Variants in ACER1 observed in about 807,000 individuals in gnomAD.
ACER1 encodes CTB-180A7.3.
Under a neutral mutation model 24.9 loss-of-function variants are expected in ACER1, and 28 were observed. The ratio of observed to expected loss-of-function variants is 1.13; its 90% CI spans 0.83 to 1.54. The LOEUF (loss-of-function observed/expected upper bound fraction) is 1.54. Ranked by LOEUF, ACER1 falls within the 40% of genes most tolerant of loss-of-function variation. The pLI, the probability that ACER1 is intolerant of heterozygous loss-of-function variation, is 0.00. For synonymous variants in ACER1, 132 were observed against 131.4 expected, an observed-to-expected ratio of 1.00 and a Z score of -0.03; for missense variants, 352 against 349.3, an observed-to-expected ratio of 1.01 and a Z score of -0.06.
chr19:6,347,109 A>AAAAAAAAAAAAAAAAAAAT, the ACER1 span, among the ~76,000 whole-genome samples: 47 of 113,770 alleles, frequency 4.1e-4, no homozygotes, highest in African/African-American at 2.3e-3. Flanking sequence ...AAAAAAAAAA[A>AAAAAAAAAAAAAAAAAAAT]ATATATATAT....
chr19:6,321,070 A>T (rs571563109), intron 1 of ACER1, among the ~76,000 whole-genome samples: 1 of 151,852 alleles, frequency 6.6e-6, no homozygotes, highest in Non-Finnish European at 1.5e-5. Flanking sequence ...AAACTATGCA[A>T]TTCAGTGGGT....
the ACER1 span, among the ~76,000 whole-genome samples, chr19:6,356,481 A>AAATAAATAAAT: frequency 6.6e-4 from 95 of 143,066 alleles, no homozygotes; most frequent in African/African-American, 2.2e-3. Context: ...AAAAATAAAT[A>AAATAAATAAAT]AAATAAATAA....
chr19:6,308,656 G>C (rs751142079), intron 4 of ACER1, among the ~76,000 whole-genome samples: 57 of 152,038 alleles, frequency 3.7e-4, no homozygotes, highest in Non-Finnish European at 7.1e-4. Context: ...AGAGGTATGT[G>C]TGCCTCAAGC....
chr19:6,330,027 C>T (rs764276771), intron 1 of ACER1, among the ~76,000 whole-genome samples: 215 of 151,106 alleles, frequency 1.4e-3, no homozygotes, highest in Non-Finnish European at 2.7e-3. Flanking sequence ...CCCGCCACCA[C>T]GCCCAGCTAA....
chr19:6,348,423 C>T, the ACER1 span, among the ~76,000 whole-genome samples: 11 of 145,002 alleles, frequency 7.6e-5, no homozygotes, highest in African/African-American at 1.0e-4. Flanking sequence ...CAAGATCTCA[C>T]GACTGCACTC....
chr19:6,340,287 AGAAAGAAGGAAGGAAG>A, the ACER1 span, among the ~76,000 whole-genome samples: 9 of 130,550 alleles, frequency 6.9e-5, no homozygotes, highest in African/African-American at 2.7e-4. Context: ...CTCCAAAAAA[AGAAAGAAGGAAGGAAG>A]GAAGGAAGGA....
intron 1 of ACER1, among the ~76,000 whole-genome samples, chr19:6,326,778 T>C (rs1042354819): frequency 4.6e-5 from 7 of 152,118 alleles, no homozygotes; most frequent in Non-Finnish European, 1.0e-4. Flanking sequence ...GGTGGGTTTA[T>C]AGCATTTTGA....
At chr19:6,354,539 A>G in the ACER1 span, among the ~76,000 whole-genome samples, 1 of 152,236 alleles carries the variant, frequency 6.6e-6, no homozygotes, top group Non-Finnish European at 1.5e-5. Flanking sequence ...CATTGCTCAA[A>G]TAATAAGTTT....
intron 1 of ACER1, among the ~76,000 whole-genome samples, chr19:6,331,145 A>G (rs2091684629): frequency 7.3e-6 from 1 of 137,260 alleles, no homozygotes; most frequent in Non-Finnish European, 1.5e-5. Flanking sequence ...CCTGGTACAC[A>G]GCAAGCACTT....
chr19:6,316,968 C>CTT (rs71174911), intron 1 of ACER1, among the ~76,000 whole-genome samples: 10,176 of 117,214 alleles, frequency 0.087, 926 homozygotes, highest in East Asian at 0.18. Context: ...CCCTCCCCAT[C>CTT]TTTTTTTTTT....
chr19:6,323,497 G>C (rs1045416204), intron 1 of ACER1, among the ~76,000 whole-genome samples: 2 of 151,948 alleles, frequency 1.3e-5, no homozygotes, highest in South Asian at 2.1e-4. Context: ...TGCCATCCAC[G>C]TAAGATGTGA....
At chr19:6,323,569 T>G (rs1224094758) in intron 1 of ACER1, among the ~76,000 whole-genome samples, 2 of 152,218 alleles carry the variant, frequency 1.3e-5, no homozygotes, top group Non-Finnish European at 2.9e-5. Context: ...GAACTGTAAG[T>G]CCATTAAACT....
At chr19:6,338,482 G>A (rs1425941554), upstream of ACER1, among the ~76,000 whole-genome samples, 2 of 152,222 alleles carry the variant, frequency 1.3e-5, no homozygotes, top group South Asian at 2.1e-4. Context: ...TTCTGGTTGT[G>A]AAAATGTATA....
chr19:6,333,988 T>C (rs1243409229), upstream of ACER1, among the ~76,000 whole-genome samples: 7 of 151,918 alleles, frequency 4.6e-5, no homozygotes, highest in Admixed American at 4.6e-4. Context: ...CAAGCAATAC[T>C]CCTGCCTCAG....
At chr19:6,329,012 G>T (rs2091675030) in intron 1 of ACER1, among the ~76,000 whole-genome samples, 1 of 151,742 alleles carries the variant, frequency 6.6e-6, no homozygotes, top group African/African-American at 2.4e-5. Context: ...GCTGTGTTTG[G>T]TGGCATGCTC....
the ACER1 span, among the ~76,000 whole-genome samples, chr19:6,349,304 C>T: frequency 1.4e-5 from 2 of 145,118 alleles, no homozygotes; most frequent in South Asian, 4.5e-4. Context: ...AGGGAGCCCC[C>T]ATCTCTACAA....
intron 1 of ACER1, among the ~76,000 whole-genome samples, chr19:6,329,409 A>AG (rs1326345929): frequency 2.6e-5 from 4 of 152,030 alleles, no homozygotes; most frequent in Non-Finnish European, 4.4e-5. Context: ...AGAATAGAAT[A>AG]GATCCAGGTG....
intron 4 of ACER1, among the ~76,000 whole-genome samples, chr19:6,309,075 T>C (rs2091564798): frequency 6.6e-6 from 1 of 152,066 alleles, no homozygotes; most frequent in African/African-American, 2.4e-5. Context: ...GGCATACACC[T>C]GTACTCCCAG....
At chr19:6,327,542 G>A (rs2091667260) in intron 1 of ACER1, among the ~76,000 whole-genome samples, 1 of 151,752 alleles carries the variant, frequency 6.6e-6, no homozygotes, top group Non-Finnish European at 1.5e-5. Flanking sequence ...TCCAGCCTGG[G>A]CGGCAGAGCG....
Sources: allele counts gnomAD v4.1 joint callset (sites outside exome capture counted in the v4.1 genomes callset), GRCh38; gene constraint gnomAD v4.1.1; transcripts MANE v1.5; gene names NCBI Gene and HGNC (gene_info 2026-07-23, HGNC 2026-07-21).